Variants in HHIPL2 observed in about 807,000 individuals in gnomAD.
HHIPL2 encodes the protein HHIP-like protein 2.
A neutral mutation model predicts 61.0 loss-of-function variants in HHIPL2; 61 were observed. That is an observed-to-expected ratio of 1.00 (90% confidence interval 0.81 to 1.24). The LOEUF (loss-of-function observed/expected upper bound fraction) is 1.24. Ranked by LOEUF, HHIPL2 falls within the 50% of genes most tolerant of loss-of-function variation. HHIPL2 has a pLI of 0.00. For missense variants in HHIPL2, 885 were observed against 910.2 expected (o/e 0.97, Z 0.36); for synonymous variants, 343 against 357.4 (o/e 0.96, Z 0.45).
At chr1:222,527,839 T>A (rs1318524160) in intron 6 of HHIPL2, among the ~76,000 whole-genome samples, 1 of 152,184 alleles carries the variant, frequency 6.6e-6, no homozygotes, top group Non-Finnish European at 1.5e-5. Flanking sequence ...TGGCTCTCAT[T>A]TTCTCTCTTG....
At chr1:222,545,191 A>G (rs954612704) in intron 1 of HHIPL2, among the ~76,000 whole-genome samples, 1 of 152,216 alleles carries the variant, frequency 6.6e-6, no homozygotes, top group Non-Finnish European at 1.5e-5. Flanking sequence ...GGAGCCGTGC[A>G]TTAGAGCAGA....
chr1:222,531,713 C>CA, intron 6 of HHIPL2, among the ~76,000 whole-genome samples: 1 of 151,870 alleles, frequency 6.6e-6, no homozygotes, highest in South Asian at 2.1e-4. Context: ...GCGCCGCAGA[C>CA]AGAGAGCAAG....
At chr1:222,524,688 A>T (rs939071642) in intron 7 of HHIPL2, among the ~76,000 whole-genome samples, 2 of 152,190 alleles carry the variant, frequency 1.3e-5, no homozygotes, top group Non-Finnish European at 2.9e-5. Context: ...TAGGAGGAAA[A>T]AATGGGAGGG....
Position 222,547,906 on chromosome 1 carries a change from C to T in HHIPL2, c.139G>A (p.Asp47Asn). The T allele has an allele frequency of 6.2e-7, 1 of 1,614,130 alleles. No individual in the cohort carries two copies. Among genetic ancestry groups the T allele is most frequent in the Non-Finnish European group, 8.5e-7 (1 of 1,180,024 alleles). ...GGGGGCTGGAAAGGGGGCCCGTAAT[C>T]CAGGCACTGGGGGTGTCCCTGCAGC... ...GLLQGHPQCL[D>N]YGPPFQPPLH... The change falls in exon 1 of 9, where the codon GAT (aspartate) becomes AAT (asparagine). Residue 47 changes from aspartate to asparagine, a missense_variant. Transcript: ENST00000343410.
chr1:222,543,965 A>C lies in HHIPL2; in HGVS notation c.546T>G (p.Pro182=). ...LDLPDKDYCF[P]NVLRNDYLNR... is the part of the protein sequence containing the mutation. ...TGAGATAGTCGTTCCTCAGGACATT[A>C]GGGAAGCAATAGTCCTTGTCAGGAA... Residue 182 remains proline, a synonymous_variant, in exon 2 of 9, where the codon CCT becomes CCG. Transcript: ENST00000343410. The C allele has an allele frequency of 6.2e-7, 1 of 1,614,168 alleles. No individual in the cohort carries two copies. Among genetic ancestry groups the C allele is most frequent in the Non-Finnish European group, 8.5e-7 (1 of 1,180,014 alleles).
At chr1:222,544,574 C>T (rs1659516783) in intron 1 of HHIPL2, among the ~76,000 whole-genome samples, 2 of 152,132 alleles carry the variant, frequency 1.3e-5, no homozygotes, top group Admixed American at 6.5e-5. Flanking sequence ...GTTGCCCAGG[C>T]TGATTCCTAA....
At chr1:222,536,499 A>G (rs1314992141) in intron 5 of HHIPL2, among the ~76,000 whole-genome samples, 1 of 152,204 alleles carries the variant, frequency 6.6e-6, no homozygotes, top group Non-Finnish European at 1.5e-5. Context: ...ATTTGTAATT[A>G]AAAGTCTTTT....
At chr1:222,541,308 G>C (rs34917654) in intron 3 of HHIPL2, among the ~76,000 whole-genome samples, 50,250 of 152,008 alleles carry the variant, frequency 0.33, 8,720 homozygotes, top group East Asian at 0.51. Context: ...ATCTAGGCAA[G>C]ACAGCATCAC....
chr1:222,534,669 TACAC>T (rs10650864), intron 5 of HHIPL2, among the ~76,000 whole-genome samples: 3,297 of 148,256 alleles, frequency 0.022, 80 homozygotes, highest in African/African-American at 0.057. Context: ...ACATTGAGAT[TACAC>T]ACACACACAC....
intron 6 of HHIPL2, among the ~76,000 whole-genome samples, chr1:222,528,232 C>A (rs1659110434): frequency 6.6e-6 from 1 of 152,210 alleles, no homozygotes; most frequent in African/African-American, 2.4e-5. Flanking sequence ...TCTTCACCTG[C>A]ACAGCCCTCG....
chr1:222,546,856 AGATGCCT>A (rs1302131265), intron 1 of HHIPL2, among the ~76,000 whole-genome samples: 1 of 152,234 alleles, frequency 6.6e-6, no homozygotes, highest in East Asian at 1.9e-4. Flanking sequence ...AGTCATGAAC[AGATGCCT>A]GTGGATAGCC....
intron 7 of HHIPL2, among the ~76,000 whole-genome samples, chr1:222,526,408 TA>T (rs533756995): frequency 0.046 from 6,013 of 130,324 alleles, 316 homozygotes; most frequent in African/African-American, 0.13. Context: ...AGAAGCATAT[TA>T]AAAAAAAAAA....
intron 1 of HHIPL2, among the ~76,000 whole-genome samples, chr1:222,547,260 C>T (rs1006261745): frequency 1.3e-5 from 2 of 152,186 alleles, no homozygotes; most frequent in African/African-American, 2.4e-5. Context: ...GCCAGGGTGA[C>T]GCCAGAGATG....
At position 222,523,566 on chromosome 1, in the gene HHIPL2, A is replaced by G. The variant is rs747746564; in HGVS notation, c.1888+46T>C. 5.0e-5 allele frequency: 78 copies of G among 1,567,606 alleles called. No homozygotes were observed. The South Asian group carries it at 8.5e-4, about 17-fold the overall frequency. ...GCCTGCTTGCTGAGGGCACTGCCTT[A>G]GCCTCCACACCAAGGCCTGAGCCTA... On this transcript the variant is annotated intron_variant, in intron 8 of 8. Coordinates refer to ENST00000343410, the MANE Select transcript of HHIPL2 (RefSeq NM_024746.4).
At chr1:222,528,353 TCC>T (rs1350632162) in intron 6 of HHIPL2, among the ~76,000 whole-genome samples, 1 of 152,212 alleles carries the variant, frequency 6.6e-6, no homozygotes, top group East Asian at 1.9e-4. Context: ...ATGCCTATAA[TCC>T]CAACACTTTG....
chr1:222,543,818 GCGATGGGTGC>G lies in HHIPL2; in HGVS notation c.683_692del (p.Gly228AlafsTer8). On this transcript the variant is annotated frameshift_variant, in exon 2 of 9. Transcript: ENST00000343410. LOFTEE classifies it high-confidence loss of function. Reference sequence around the variant, plus strand: ...CTCCTACCTGCTCGGCAACAAAGAAGCGATGGGTGCCGTCCCCAGCATGGACCATGGAGAC... The same window carrying G: ...CTCCTACCTGCTCGGCAACAAAGAAGCGTCCCCAGCATGGACCATGGAGAC... 1 of 1,614,146 alleles carries G rather than the reference GCGATGGGTGC, an allele frequency of 6.2e-7. No individual in the cohort carries two copies. The highest frequency in any genetic ancestry group is 1.7e-5 in the Admixed American group (1 of 60,018).
At chr1:222,545,602 G>A (rs549792574) in intron 1 of HHIPL2, among the ~76,000 whole-genome samples, 36 of 151,630 alleles carry the variant, frequency 2.4e-4, no homozygotes, top group African/African-American at 8.0e-4. Flanking sequence ...GAGAATAGAA[G>A]GGGGCTGTGG....
intron 4 of HHIPL2, among the ~76,000 whole-genome samples, chr1:222,539,568 A>G (rs1659382944): frequency 6.6e-6 from 1 of 151,738 alleles, no homozygotes. Context: ...GAAAAGAAAA[A>G]AAAAGAAAAG....
Position 222,543,591 on chromosome 1 carries a change from C to T in HHIPL2, c.920G>A (p.Ser307Asn). Residue 307 changes from serine (S) to asparagine (N), a missense_variant, in exon 2 of 9, where the codon AGT becomes AAT. Physicochemically the swap from Ser to Asn is conservative, Grantham distance 46. Coordinates refer to ENST00000343410, the MANE Select transcript of HHIPL2 (RefSeq NM_024746.4). ...DKKKVEKIRI[S>N]EMKVSRADPN... is the part of the protein sequence containing the mutation. ...ATCAGCCCGAGAAACCTTCATCTCA[C>T]TAATTCGGATCTTTTCTACCTTCTT... The T allele has an allele frequency of 6.2e-7, 1 of 1,614,184 alleles. No homozygotes were observed.
Sources: allele counts gnomAD v4.1 joint callset (sites outside exome capture counted in the v4.1 genomes callset), GRCh38; gene constraint gnomAD v4.1.1; transcripts MANE v1.5; gene names NCBI Gene and HGNC (gene_info 2026-07-23, HGNC 2026-07-21).